FBXW4: variants seen among roughly 807,000 people sequenced by gnomAD.
FBXW4 encodes F-box/WD repeat-containing protein 4.
A neutral mutation model predicts 61.8 loss-of-function variants in FBXW4; 40 were observed. The ratio of observed to expected loss-of-function variants is 0.65; its 90% CI spans 0.50 to 0.84. The LOEUF is 0.84. Among genes scored for constraint, FBXW4 ranks in the 40% least tolerant of loss-of-function variants. The pLI is 0.00. For synonymous variants in FBXW4, 311 were observed against 313.8 expected, an observed-to-expected ratio of 0.99 and a Z score of 0.10; for missense variants, 672 against 753.8, an observed-to-expected ratio of 0.89 and a Z score of 1.27.
At chr10:101,624,142 C>T (rs763079350) in intron 6 of FBXW4, among the ~76,000 whole-genome samples, 9 of 151,710 alleles carry the variant, frequency 5.9e-5, no homozygotes, top group Non-Finnish European at 1.3e-4. Context: ...GAATAAAGGT[C>T]CATGGATGGT....
At chr10:101,643,202 T>G (rs182500638) in intron 5 of FBXW4, among the ~76,000 whole-genome samples, 2 of 152,292 alleles carry the variant, frequency 1.3e-5, no homozygotes, top group East Asian at 3.9e-4. Context: ...GGAGCAAGAT[T>G]GTAATGATTA....
Position 101,694,566 on chromosome 10 carries a change from C to T in FBXW4, c.540G>A (p.Gly180=). The T allele has an allele frequency of 6.8e-7, 1 of 1,475,592 alleles. No homozygotes were observed. Among genetic ancestry groups the T allele is most frequent in the Non-Finnish European group, 8.9e-7 (1 of 1,122,428 alleles). 91.4% of individuals were successfully genotyped at this position (1,475,592 alleles called of 1,614,324 possible). ...CCTCCGGCAGGCGCCAGAGCGCAGG[C>T]CCCGCGGCCGGGCGGGCAGCCGACT... ...ARESAARPAA[G]PALWRLPEEL... The change falls in exon 1 of 9, where the codon GGG becomes GGA. Residue 180 remains glycine (G), a synonymous_variant. Coordinates refer to ENST00000331272, the MANE Select transcript of FBXW4 (RefSeq NM_022039.4). The surrounding 1 kb of genome is among the most constrained non-coding windows in gnomAD (Gnocchi z 6.0).
At chr10:101,685,485 A>G (rs1589783017) in intron 1 of FBXW4, among the ~76,000 whole-genome samples, 1 of 152,220 alleles carries the variant, frequency 6.6e-6, no homozygotes, top group Non-Finnish European at 1.5e-5. Flanking sequence ...TCTATCAGAC[A>G]CTAAGCCAAA....
chr10:101,679,202 T>C (rs902126996), intron 1 of FBXW4, among the ~76,000 whole-genome samples: 5 of 152,228 alleles, frequency 3.3e-5, no homozygotes, highest in Non-Finnish European at 7.3e-5. Flanking sequence ...CTCCTGCATC[T>C]GGCCAGCTGA....
chr10:101,666,880 C>A (rs1405922449), intron 5 of FBXW4, among the ~76,000 whole-genome samples: 2 of 151,794 alleles, frequency 1.3e-5, no homozygotes, highest in African/African-American at 4.8e-5. Context: ...AATATAGAAA[C>A]ACCCCATTTC....
At chr10:101,649,843 C>T (rs2064131683) in intron 5 of FBXW4, among the ~76,000 whole-genome samples, 1 of 152,250 alleles carries the variant, frequency 6.6e-6, no homozygotes. Flanking sequence ...CAGCCCCTTT[C>T]TAAAAGCCTG....
intron 5 of FBXW4, among the ~76,000 whole-genome samples, chr10:101,648,219 T>C (rs1424114795): frequency 5.4e-4 from 82 of 152,166 alleles, no homozygotes; most frequent in Non-Finnish European, 5.9e-5. Flanking sequence ...GGACTAAGCA[T>C]AGACTTGTAG....
chr10:101,643,687 G>A (rs2064072863), intron 5 of FBXW4, among the ~76,000 whole-genome samples: 1 of 152,188 alleles, frequency 6.6e-6, no homozygotes, highest in South Asian at 2.1e-4. Flanking sequence ...TAGCCCAGGT[G>A]TTAAGCCCCT....
At chr10:101,682,419 GA>G (rs142732621) in intron 1 of FBXW4, among the ~76,000 whole-genome samples, 7,833 of 147,498 alleles carry the variant, frequency 0.053, 478 homozygotes, top group East Asian at 0.36. Context: ...AAATCTAAAT[GA>G]AAAAAAAAAT....
intron 5 of FBXW4, among the ~76,000 whole-genome samples, chr10:101,636,288 G>A (rs887078801): frequency 5.3e-5 from 8 of 151,854 alleles, no homozygotes; most frequent in Non-Finnish European, 7.4e-5. Context: ...GGAGGCAAAG[G>A]TTGTGGTGAG....
chr10:101,632,566 A>G (rs1437344456), intron 5 of FBXW4, among the ~76,000 whole-genome samples: 1 of 152,170 alleles, frequency 6.6e-6, no homozygotes, highest in Non-Finnish European at 1.5e-5. Flanking sequence ...TATAAACTTG[A>G]GCAATGGGAG....
intron 5 of FBXW4, chr10:101,625,737 T>C (rs1304922355): frequency 6.6e-6 from 1 of 152,266 alleles, no homozygotes; most frequent in East Asian, 1.9e-4. Context: ...AAACCTGGGC[T>C]TGAAACTTAA....
chr10:101,612,657 C>T (rs1241971635), intron 6 of FBXW4, among the ~76,000 whole-genome samples, 180 bp from the exon 7 acceptor site: 2 of 152,118 alleles, frequency 1.3e-5, no homozygotes, highest in Admixed American at 1.3e-4. Flanking sequence ...GCCATGAGGC[C>T]TCTGCAACCA....
Position 101,611,550 on chromosome 10 carries a change from G to T in FBXW4, c.1584+78C>A. The T allele has an allele frequency of 6.3e-7, 1 of 1,585,382 alleles. No homozygotes were observed. Among genetic ancestry groups the T allele is most frequent in the Non-Finnish European group, 8.6e-7 (1 of 1,161,876 alleles). ...CCAACCCTTTCTAGGCACGTCCTTG[G>T]CTACCTCACCCTCTCCCAAATGCAG... is the stretch of plus-strand genomic sequence containing the variant. On this transcript the variant is annotated intron_variant, in intron 8 of 8. Transcript: ENST00000331272. The surrounding 1 kb of genome is among the most constrained non-coding windows in gnomAD (Gnocchi z 4.9).
chr10:101,619,671 A>G (rs1361882747), intron 6 of FBXW4, among the ~76,000 whole-genome samples: 2 of 151,800 alleles, frequency 1.3e-5, no homozygotes, highest in African/African-American at 2.4e-5. Context: ...AAAAAAAAAA[A>G]AAGAAGAGGA....
chr10:101,643,888 C>G (rs915369708), intron 5 of FBXW4, among the ~76,000 whole-genome samples: 15 of 152,202 alleles, frequency 9.9e-5, no homozygotes, highest in Non-Finnish European at 1.6e-4. Context: ...AGCAGTTTCT[C>G]TCCTCAAAGC....
chr10:101,694,567 C>A lies in FBXW4; in HGVS notation c.539G>T (p.Gly180Val). ...ARESAARPAAGPALWRLPEEL... is the reference protein window; with the variant it reads ...ARESAARPAAVPALWRLPEEL... ...CTCCGGCAGGCGCCAGAGCGCAGGC[C>A]CCGCGGCCGGGCGGGCAGCCGACTC... The change falls in exon 1 of 9, where the codon GGG (glycine) becomes GTG (valine). Residue 180 changes from glycine (G) to valine (V), a missense_variant. By Grantham distance (109) the Gly-to-Val change is moderately radical. Around this residue, in one of 5 missense-constraint regions of FBXW4, gnomAD observed 311 missense variants for 301.1 expected, o/e 1.03. Transcript: ENST00000331272. The surrounding 1 kb of genome is among the most constrained non-coding windows in gnomAD (Gnocchi z 6.0). 3 of 1,474,754 alleles carry A rather than the reference C, an allele frequency of 2.0e-6. No homozygotes were observed. The highest frequency in any genetic ancestry group is 2.7e-6 in the Non-Finnish European group (3 of 1,122,054). The allele number at this position is 1,474,754 out of a possible 1,614,324, so 91.4% of individuals were successfully genotyped here.
chr10:101,689,052 A>G (rs752977404), intron 1 of FBXW4, among the ~76,000 whole-genome samples: 2 of 152,012 alleles, frequency 1.3e-5, no homozygotes, highest in Non-Finnish European at 2.9e-5. Flanking sequence ...AAAAACCTGT[A>G]TACTTCCTCA....
At chr10:101,619,079 T>C (rs1202799746) in intron 6 of FBXW4, among the ~76,000 whole-genome samples, 3 of 152,104 alleles carry the variant, frequency 2.0e-5, no homozygotes, top group Non-Finnish European at 4.4e-5. Context: ...AAGATGAGCC[T>C]TGATTCCTCC....
Sources: gnomAD v4.1 joint callset for allele counts (sites outside exome capture counted in the v4.1 genomes callset) on GRCh38, gnomAD v4.1.1 for gene constraint, gnomAD v4.1.1 regional missense constraint, Gnocchi (gnomAD v3.1) non-coding constraint, MANE v1.5 for transcripts, NCBI Gene and HGNC (gene_info 2026-07-23, HGNC 2026-07-21) for gene names.